ANGPT1: variants seen among roughly 807,000 people sequenced by gnomAD.
ANGPT1 encodes the protein angiopoietin-1.
ANGPT1 carries 17 observed loss-of-function variants against 62.2 expected under a neutral mutation model. The observed-to-expected ratio is 0.27, with a 90% CI of 0.19 to 0.41. The LOEUF (loss-of-function observed/expected upper bound fraction) is 0.41, where lower values mean the gene tolerates loss of function less well. ANGPT1 is among the 10% of genes least tolerant of loss of function. The pLI, the probability that ANGPT1 is intolerant of heterozygous loss-of-function variation, is 1.00. For missense variants in ANGPT1, 478 were observed against 594.9 expected (o/e 0.80, Z 2.04); for synonymous variants, 199 against 198.9 (o/e 1.00, Z 0.00).
chr8:107,336,438 G>T, intron 2 of ANGPT1, 167 bp from the exon 3 acceptor site: 1 of 1,047,874 alleles, frequency 9.5e-7, no homozygotes, highest in Non-Finnish European at 1.2e-6. Context: ...GGCCAAGGCG[G>T]GTGGATCACG....
At chr8:107,253,793 C>T (rs1485623041) in intron 8 of ANGPT1, among the ~76,000 whole-genome samples, 1 of 152,178 alleles carries the variant, frequency 6.6e-6, no homozygotes, top group Non-Finnish European at 1.5e-5. Context: ...CATTGGGAAA[C>T]TTTGGGAAAA....
At chr8:107,458,650 A>T (rs1403063255) in intron 1 of ANGPT1, among the ~76,000 whole-genome samples, 4 of 152,130 alleles carry the variant, frequency 2.6e-5, no homozygotes, top group Non-Finnish European at 5.9e-5. Context: ...ACTATGTTTG[A>T]TGCAACAATA....
chr8:107,485,352 C>T (rs1182055550), intron 1 of ANGPT1, among the ~76,000 whole-genome samples: 1 of 152,146 alleles, frequency 6.6e-6, no homozygotes, highest in African/African-American at 2.4e-5. Context: ...TGACTGAAAT[C>T]TATTTTGTCC....
chr8:107,473,598 G>A lies in ANGPT1; in HGVS notation c.297+23664C>T, dbSNP rs1328580331. Among the ~76,000 whole-genome samples, 8 of 152,152 alleles carry A rather than the reference G, an allele frequency of 5.3e-5. No homozygotes were observed. The East Asian group carries it at 1.4e-3, about 26-fold the overall frequency. ...ATTTTATTTTCAAAATGGAACCATA[G>A]AGCTTTACTTTTTCAGTAGGATTCA... On this transcript the variant is annotated intron_variant, in intron 1 of 8. Coordinates refer to ENST00000517746, the MANE Select transcript of ANGPT1 (RefSeq NM_001146.5).
At chr8:107,386,827 G>T (rs896946099) in intron 1 of ANGPT1, among the ~76,000 whole-genome samples, 1 of 152,056 alleles carries the variant, frequency 6.6e-6, no homozygotes, top group Non-Finnish European at 1.5e-5. Context: ...AATACAATTT[G>T]CAGAGTGCCT....
chr8:107,482,188 A>C (rs919054770), intron 1 of ANGPT1, among the ~76,000 whole-genome samples: 2 of 152,124 alleles, frequency 1.3e-5, no homozygotes, highest in Non-Finnish European at 2.9e-5. Flanking sequence ...AAGTTCCGTC[A>C]TATTACCCTC....
chr8:107,410,026 A>G (rs1817234450), intron 1 of ANGPT1, among the ~76,000 whole-genome samples: 1 of 152,120 alleles, frequency 6.6e-6, no homozygotes, highest in African/African-American at 2.4e-5. Context: ...TGTGCTAAGT[A>G]ATAGGAAAGT....
chr8:107,411,172 T>C (rs1817260911), intron 1 of ANGPT1, among the ~76,000 whole-genome samples: 1 of 152,168 alleles, frequency 6.6e-6, no homozygotes, highest in South Asian at 2.1e-4. Context: ...TGGCTAGATA[T>C]GCAAGTGATG....
chr8:107,350,462 C>T (rs1815907902), intron 1 of ANGPT1, among the ~76,000 whole-genome samples: 1 of 152,102 alleles, frequency 6.6e-6, no homozygotes, highest in South Asian at 2.1e-4. Context: ...GCATAGGTGG[C>T]TACATCAAGG....
intron 1 of ANGPT1, among the ~76,000 whole-genome samples, chr8:107,350,390 T>C (rs761534329): frequency 6.6e-6 from 1 of 152,100 alleles, no homozygotes; most frequent in East Asian, 1.9e-4. Flanking sequence ...TTCCCAGAGT[T>C]TGATTTGCTC....
chr8:107,342,020 A>G (rs1484143805), intron 2 of ANGPT1, among the ~76,000 whole-genome samples: 2 of 152,152 alleles, frequency 1.3e-5, no homozygotes, highest in African/African-American at 4.8e-5. Context: ...CATCACGAGT[A>G]AGGAAGGAGT....
At chr8:107,366,987 C>T (rs966008875) in intron 1 of ANGPT1, among the ~76,000 whole-genome samples, 3 of 152,078 alleles carry the variant, frequency 2.0e-5, no homozygotes, top group Admixed American at 6.6e-5. Context: ...GGCCTTCCAA[C>T]AACAACGGGG....
At chr8:107,347,139 G>C (rs1333862938) in intron 1 of ANGPT1, 42 bp from the exon 2 acceptor site, 7 of 1,563,896 alleles carry the variant, frequency 4.5e-6, no homozygotes, top group Non-Finnish European at 4.4e-6. Context: ...TTATAAGCAA[G>C]GCCTCCCAGT....
intron 3 of ANGPT1, among the ~76,000 whole-genome samples, chr8:107,331,572 T>A (rs1815421603): frequency 6.6e-6 from 1 of 152,224 alleles, no homozygotes; most frequent in South Asian, 2.1e-4. Context: ...TTTTGCCATA[T>A]CCTTAGCTGT....
At chr8:107,386,211 G>T (rs565415382) in intron 1 of ANGPT1, among the ~76,000 whole-genome samples, 1 of 152,114 alleles carries the variant, frequency 6.6e-6, no homozygotes, top group Admixed American at 6.6e-5. Context: ...TGGACAAAAA[G>T]AAGGGAACAA....
intron 1 of ANGPT1, among the ~76,000 whole-genome samples, chr8:107,454,930 C>T (rs16876323): frequency 0.037 from 5,674 of 152,100 alleles, 158 homozygotes; most frequent in South Asian, 0.11. Flanking sequence ...TTCCTCAAAA[C>T]ATTGCCTGGG....
At chr8:107,402,956 A>G (rs953000082) in intron 1 of ANGPT1, among the ~76,000 whole-genome samples, 1 of 152,164 alleles carries the variant, frequency 6.6e-6, no homozygotes, top group African/African-American at 2.4e-5. Flanking sequence ...GTTTGAGAGG[A>G]TGAAAAATTG....
intron 1 of ANGPT1, among the ~76,000 whole-genome samples, chr8:107,363,992 G>A (rs1411919770): frequency 6.6e-6 from 1 of 152,046 alleles, no homozygotes; most frequent in South Asian, 2.1e-4. Flanking sequence ...CTACAGTTAC[G>A]CAAATCTAAG....
intron 3 of ANGPT1, among the ~76,000 whole-genome samples, chr8:107,329,669 TTG>T (rs137951579): frequency 0.019 from 2,754 of 148,284 alleles, 75 homozygotes; most frequent in African/African-American, 0.059. Context: ...GTGTGAGTCT[TTG>T]TGTGTGTGTG....
Sources: allele counts gnomAD v4.1 joint callset (sites outside exome capture counted in the v4.1 genomes callset), GRCh38; gene constraint gnomAD v4.1.1; transcripts MANE v1.5; gene names NCBI Gene and HGNC (gene_info 2026-07-23, HGNC 2026-07-21).